PDE4B: variants seen among roughly 807,000 people sequenced by gnomAD.
PDE4B encodes 3',5'-cyclic-AMP phosphodiesterase 4B.
In PDE4B, 20 loss-of-function variants were observed where a neutral mutation model predicts 82.2. That is an observed-to-expected ratio of 0.24 (90% CI 0.17 to 0.35). The LOEUF (loss-of-function observed/expected upper bound fraction) is 0.35, where lower values mean the gene tolerates loss of function less well. PDE4B is among the 10% of genes least tolerant of loss of function. The probability of loss-of-function intolerance (pLI) is 1.00; values close to 1 mark genes in which losing one functional copy is unlikely to be tolerated. For synonymous variants in PDE4B, 320 were observed against 318.9 expected, an observed-to-expected ratio of 1.00 and a Z score of -0.04; for missense variants, 655 against 907.2, an observed-to-expected ratio of 0.72 and a Z score of 3.57.
At chr1:65,955,890 G>A (rs1444139088) in intron 3 of PDE4B, among the ~76,000 whole-genome samples, 2 of 151,996 alleles carry the variant, frequency 1.3e-5, no homozygotes, top group East Asian at 3.9e-4. Flanking sequence ...AATATATTAG[G>A]AGCTGAAATA....
chr1:65,994,170 T>A (rs1319058651), intron 3 of PDE4B, among the ~76,000 whole-genome samples: 1 of 152,160 alleles, frequency 6.6e-6, no homozygotes, highest in Non-Finnish European at 1.5e-5. Flanking sequence ...ATTGAGGAGA[T>A]CTGATTTTTA....
intron 3 of PDE4B, among the ~76,000 whole-genome samples, chr1:66,191,302 C>T (rs568350395): frequency 6.6e-6 from 1 of 152,144 alleles, no homozygotes; most frequent in African/African-American, 2.4e-5. Flanking sequence ...GCTACATCCT[C>T]ATAAGCATTT....
intron 3 of PDE4B, among the ~76,000 whole-genome samples, chr1:66,107,196 C>T (rs916562571): frequency 6.6e-6 from 1 of 151,786 alleles, no homozygotes; most frequent in Non-Finnish European, 1.5e-5. Context: ...TTGTTATGTA[C>T]CCAGTAGTCA....
At chr1:66,011,525 G>T (rs1024984641) in intron 3 of PDE4B, among the ~76,000 whole-genome samples, 1 of 152,004 alleles carries the variant, frequency 6.6e-6, no homozygotes, top group South Asian at 2.1e-4. Context: ...TATCACAATG[G>T]TAAATTTTAT....
At position 66,350,507 on chromosome 1, in the gene PDE4B, C is replaced by CT. The variant is rs554360238; in HGVS notation, c.748-5019dup. Among the ~76,000 whole-genome samples, 19 of 152,124 alleles carry CT rather than the reference C, an allele frequency of 1.2e-4. No individual in the cohort carries two copies. The East Asian group carries it at 3.7e-3, about 29-fold the overall frequency. On this transcript the variant is annotated intron_variant, in intron 8 of 16. Coordinates refer to ENST00000341517, the MANE Select transcript of PDE4B (RefSeq NM_002600.4). ...AGTTTTAATCACTTAGGAGTCACTCCTAAGTGATTTTCAGGTCACCCTCAA... is the reference window on the plus strand; with the variant it reads ...AGTTTTAATCACTTAGGAGTCACTCCTTAAGTGATTTTCAGGTCACCCTCAA...
At chr1:65,966,639 T>TATACTATAC (rs1340427490) in intron 3 of PDE4B, among the ~76,000 whole-genome samples, 1 of 152,164 alleles carries the variant, frequency 6.6e-6, no homozygotes, top group African/African-American at 2.4e-5. Context: ...GCTACCTGAC[T>TATACTATAC]TCAAACTATA....
intron 3 of PDE4B, among the ~76,000 whole-genome samples, chr1:66,052,181 A>G (rs1655065671): frequency 1.3e-5 from 2 of 152,204 alleles, no homozygotes; most frequent in Non-Finnish European, 2.9e-5. Flanking sequence ...CTTTACTATT[A>G]CAAGTAAAAT....
intron 3 of PDE4B, among the ~76,000 whole-genome samples, chr1:66,073,481 T>C (rs1377899453): frequency 6.6e-6 from 1 of 152,058 alleles, no homozygotes. Flanking sequence ...ATGGGGAAAC[T>C]AGGTACTAGC....
intron 3 of PDE4B, among the ~76,000 whole-genome samples, chr1:66,015,493 T>C (rs1277958050): frequency 1.3e-5 from 2 of 152,066 alleles, no homozygotes; most frequent in Non-Finnish European, 2.9e-5. Flanking sequence ...GTGTTTATGG[T>C]CAGGGAAACT....
intron 3 of PDE4B, among the ~76,000 whole-genome samples, chr1:66,164,085 T>C (rs1646671176): frequency 1.3e-5 from 2 of 152,172 alleles, no homozygotes; most frequent in Admixed American, 1.3e-4. Flanking sequence ...CCCTCTCAGC[T>C]AGAAACCAAA....
At chr1:66,147,383 G>A (rs1462791716) in intron 3 of PDE4B, among the ~76,000 whole-genome samples, 1 of 152,172 alleles carries the variant, frequency 6.6e-6, no homozygotes, top group Non-Finnish European at 1.5e-5. Context: ...ACTTGCCCAA[G>A]ATAACACTGT....
intron 7 of PDE4B, among the ~76,000 whole-genome samples, chr1:66,318,403 T>G (rs1390165424): frequency 1.3e-5 from 2 of 152,236 alleles, no homozygotes; most frequent in Admixed American, 1.3e-4. Flanking sequence ...TCCTTGAGAC[T>G]CACCCAACTG....
At chr1:65,822,101 A>G (rs556886240) in intron 1 of PDE4B, among the ~76,000 whole-genome samples, 1 of 152,206 alleles carries the variant, frequency 6.6e-6, no homozygotes, top group Admixed American at 6.5e-5. Flanking sequence ...CTTCCTGAGC[A>G]GTAGCTGGTT....
At chr1:66,012,235 A>G (rs1357823759) in intron 3 of PDE4B, among the ~76,000 whole-genome samples, 3 of 152,138 alleles carry the variant, frequency 2.0e-5, no homozygotes, top group African/African-American at 7.2e-5. Context: ...AGCATACATC[A>G]GACATAGTCA....
At chr1:65,805,076 A>C (rs1450644758) in intron 1 of PDE4B, among the ~76,000 whole-genome samples, 1 of 151,650 alleles carries the variant, frequency 6.6e-6, no homozygotes, top group African/African-American at 2.4e-5. Context: ...GTGATTCTCC[A>C]GCCTCAGCCT....
chr1:66,323,916 C>A (rs534698699), intron 7 of PDE4B, among the ~76,000 whole-genome samples: 1 of 152,280 alleles, frequency 6.6e-6, no homozygotes, highest in South Asian at 2.1e-4. Flanking sequence ...CAGCTTGCCT[C>A]TATCCCTATC....
chr1:65,984,145 G>T (rs1357275911), intron 3 of PDE4B, among the ~76,000 whole-genome samples: 1 of 152,114 alleles, frequency 6.6e-6, no homozygotes, highest in African/African-American at 2.4e-5. Context: ...AATGCTATTT[G>T]GCAATAAAAA....
chr1:66,046,152 A>C (rs1287188041), intron 3 of PDE4B: 1 of 151,838 alleles, frequency 6.6e-6, no homozygotes, highest in Non-Finnish European at 1.5e-5. Flanking sequence ...GTCCATAGCG[A>C]TAGAGATGGA....
chr1:66,266,900 A>G (rs1042035998), intron 7 of PDE4B: 1 of 315,640 alleles, frequency 3.2e-6, no homozygotes. Context: ...ATGAACTCAC[A>G]CTGAGATCAC....
Sources: allele counts gnomAD v4.1 joint callset (sites outside exome capture counted in the v4.1 genomes callset), GRCh38; gene constraint gnomAD v4.1.1; transcripts MANE v1.5; gene names NCBI Gene and HGNC (gene_info 2026-07-23, HGNC 2026-07-21).